The following BOLL variants were observed in gnomAD, a reference collection of about 807,000 sequenced individuals.
BOLL encodes the protein protein boule-like.
BOLL carries 23 observed loss-of-function variants against 44.4 expected under a neutral mutation model. The ratio of observed to expected loss-of-function variants is 0.52; its 90% CI spans 0.37 to 0.73. The LOEUF (loss-of-function observed/expected upper bound fraction) is 0.73. BOLL is among the 30% of genes least tolerant of loss of function. The probability of loss-of-function intolerance (pLI) is 0.00; values close to 1 mark genes in which losing one functional copy is unlikely to be tolerated. For missense variants in BOLL, 287 were observed against 338.3 expected, an observed-to-expected ratio of 0.85 and a Z score of 1.19; for synonymous variants, 97 against 110.8, an observed-to-expected ratio of 0.88 and a Z score of 0.78.
chr2:197,785,988 C>T (rs1246211964), upstream of BOLL: 1 of 1,610,928 alleles, frequency 6.2e-7, no homozygotes, highest in Non-Finnish European at 8.5e-7. The surrounding 1 kb of genome is among the most constrained non-coding windows in gnomAD (Gnocchi z 6.7). Context: ...CTCACCGGCC[C>T]GGACTCGGTT....
chr2:197,742,347 A>T (rs1687781602), intron 10 of BOLL, among the ~76,000 whole-genome samples: 1 of 152,196 alleles, frequency 6.6e-6, no homozygotes, highest in South Asian at 2.1e-4. Context: ...TCATGCTGCT[A>T]TAAAGACACA....
At chr2:197,770,691 A>T (rs1466382357) in intron 6 of BOLL, among the ~76,000 whole-genome samples, 1 of 152,242 alleles carries the variant, frequency 6.6e-6, no homozygotes, top group East Asian at 1.9e-4. Flanking sequence ...GGTGAAGGAT[A>T]TTAACAGACA....
intron 2 of BOLL, among the ~76,000 whole-genome samples, chr2:197,780,577 A>G (rs934554482): frequency 2.6e-5 from 4 of 152,074 alleles, no homozygotes; most frequent in African/African-American, 9.6e-5. Flanking sequence ...TTTTAAAAAT[A>G]AATATTTTAT....
rs545792914 is a variant in BOLL, at chr2:197,781,957, G to T, written c.-15-92C>A. On this transcript the variant is annotated intron_variant, in intron 1 of 10. Transcript: ENST00000392296. ...AAAAACATATATTTTTCAAAAAGAA[G>T]AGTCATTTAGGCAAAATATAGTATT... is the stretch of plus-strand genomic sequence containing the variant. 889 of 1,194,878 alleles carry T rather than the reference G, an allele frequency of 7.4e-4. 1 individual carries two copies. Among genetic ancestry groups the T allele is most frequent in the Non-Finnish European group, 9.0e-4 (803 of 890,824 alleles). The allele number at this position is 1,194,878 out of a possible 1,614,324, so 74.0% of individuals were successfully genotyped here. A position where few individuals can be genotyped will look rare whatever the true frequency, so the allele number is the denominator to read the frequency against.
intron 2 of BOLL, among the ~76,000 whole-genome samples, chr2:197,781,194 C>G (rs1015651459): frequency 6.6e-6 from 1 of 151,794 alleles, no homozygotes; most frequent in East Asian, 1.9e-4. Context: ...TTTATTCTGA[C>G]AAGGACACAG....
chr2:197,774,078 C>G (rs1476495927), intron 5 of BOLL: 1 of 441,502 alleles, frequency 2.3e-6, no homozygotes, highest in Admixed American at 2.7e-5. Context: ...TACCACTCAC[C>G]ATTAGGCTAT....
At chr2:197,741,071 C>T (rs558500346) in intron 10 of BOLL, among the ~76,000 whole-genome samples, 1 of 152,092 alleles carries the variant, frequency 6.6e-6, no homozygotes, top group South Asian at 2.1e-4. Flanking sequence ...TTACCTTGGG[C>T]AGTATGGCCA....
intron 5 of BOLL, chr2:197,774,240 A>T (rs1303737351): frequency 5.1e-6 from 1 of 195,206 alleles, no homozygotes; most frequent in Non-Finnish European, 1.2e-5. Flanking sequence ...ACAATATGAT[A>T]TTATGGAACA....
At chr2:197,746,824 C>T (rs546144347) in intron 9 of BOLL, among the ~76,000 whole-genome samples, 129 of 149,650 alleles carry the variant, frequency 8.6e-4, no homozygotes, top group African/African-American at 2.9e-3. Flanking sequence ...CGCTTGAACC[C>T]GGGAGGCAGA....
chr2:197,769,938 T>C (rs1449896793), intron 6 of BOLL, among the ~76,000 whole-genome samples: 1 of 152,136 alleles, frequency 6.6e-6, no homozygotes, highest in Non-Finnish European at 1.5e-5. Flanking sequence ...AGGTAATTTA[T>C]AGATTCAATG....
chr2:197,756,390 G>C (rs780682519), intron 9 of BOLL, 38 bp downstream of exon 9: 1 of 1,479,316 alleles, frequency 6.8e-7, no homozygotes, highest in Non-Finnish European at 9.1e-7. Flanking sequence ...GTTAACATGA[G>C]GTAGTTATAG....
In BOLL at chr2:197,727,436, T is replaced by G. The variant is rs1018456928; in HGVS notation, c.*1119A>C. 6.6e-6 allele frequency: 1 copy of G among 152,344 alleles called. No individual in the cohort carries two copies. The highest frequency in any genetic ancestry group is 2.1e-4 in the South Asian group (1 of 4,830). 9.4% of individuals were successfully genotyped at this position (152,344 alleles called of 1,614,324 possible). A position where few individuals can be genotyped will look rare whatever the true frequency, so the allele number is the denominator to read the frequency against. On this transcript the variant is annotated 3_prime_UTR_variant, in exon 11 of 11. Coordinates refer to ENST00000392296, the MANE Select transcript of BOLL (RefSeq NM_033030.6). ...ATGTAAAGAGGAATATTTCCTGTAC[T>G]ACTGTAGAAATTTTAGAGATTAAAA... is the stretch of plus-strand genomic sequence containing the variant.
At chr2:197,767,330 A>G (rs1689043388) in intron 6 of BOLL, among the ~76,000 whole-genome samples, 1 of 151,966 alleles carries the variant, frequency 6.6e-6, no homozygotes, top group African/African-American at 2.4e-5. Context: ...TCTAACTTAT[A>G]TTGTTTTGTT....
chr2:197,755,837 C>T (rs1208457784), intron 9 of BOLL: 1 of 152,162 alleles, frequency 6.6e-6, no homozygotes, highest in Non-Finnish European at 1.5e-5. Flanking sequence ...ACCAACATGG[C>T]ACAGGTTTAC....
chr2:197,750,972 T>C (rs1280190500), intron 9 of BOLL, among the ~76,000 whole-genome samples: 1 of 152,132 alleles, frequency 6.6e-6, no homozygotes, highest in Non-Finnish European at 1.5e-5. Flanking sequence ...GCAATCAAAT[T>C]AGAATGCAGG....
intron 9 of BOLL, among the ~76,000 whole-genome samples, chr2:197,747,099 C>T (rs1255402430): frequency 2.6e-5 from 4 of 151,754 alleles, no homozygotes; most frequent in African/African-American, 7.3e-5. Flanking sequence ...CTTAAAGTAC[C>T]TTAAATGTTC....
In BOLL at chr2:197,731,451, G is replaced by C. The variant is rs549499424; in HGVS notation, c.829-2873C>G. ...ATACCCAGGAATTGAACTCAGCTCT[G>C]CACCAAGCAGACCTAACAGACATCT... is the stretch of plus-strand genomic sequence containing the variant. On this transcript the variant is annotated intron_variant, in intron 10 of 10. Coordinates refer to ENST00000392296, the MANE Select transcript of BOLL (RefSeq NM_033030.6). Among the ~76,000 whole-genome samples, 5 of 145,510 alleles carry C rather than the reference G, an allele frequency of 3.4e-5. No homozygotes were observed. The East Asian group carries it at 7.9e-4, about 23-fold the overall frequency.
intron 7 of BOLL, among the ~76,000 whole-genome samples, chr2:197,763,788 C>T (rs899644345): frequency 1.3e-5 from 2 of 152,158 alleles, no homozygotes; most frequent in Admixed American, 1.3e-4. Flanking sequence ...AACTACTTAT[C>T]TGACACAGAA....
At chr2:197,750,584 C>A (rs1688197300) in intron 9 of BOLL, among the ~76,000 whole-genome samples, 1 of 152,164 alleles carries the variant, frequency 6.6e-6, no homozygotes, top group Non-Finnish European at 1.5e-5. Context: ...ATCAATGCAA[C>A]AAGAAGAGCT....
Sources: gnomAD v4.1 joint callset for allele counts (sites outside exome capture counted in the v4.1 genomes callset) on GRCh38, gnomAD v4.1.1 for gene constraint, Gnocchi (gnomAD v3.1) non-coding constraint, MANE v1.5 for transcripts, NCBI Gene and HGNC (gene_info 2026-07-23, HGNC 2026-07-21) for gene names.